Variants in ZCWPW2 observed in about 807,000 individuals in gnomAD.
ZCWPW2 encodes the protein zinc finger CW-type PWWP domain protein 2.
Under a neutral mutation model 46.6 loss-of-function variants are expected in ZCWPW2, and 45 were observed. The observed-to-expected ratio is 0.96, with a 90% CI of 0.76 to 1.24. The LOEUF is 1.24. ZCWPW2 is among the 50% of genes most tolerant of loss of function. The pLI is 0.00. For missense variants in ZCWPW2, 429 were observed against 403.9 expected, an observed-to-expected ratio of 1.06 and a Z score of -0.53; for synonymous variants, 152 against 137.1, an observed-to-expected ratio of 1.11 and a Z score of -0.76.
At chr3:28,492,505 C>G (rs866630656) in intron 6 of ZCWPW2, among the ~76,000 whole-genome samples, 1 of 151,924 alleles carries the variant, frequency 6.6e-6, no homozygotes, top group Admixed American at 6.6e-5. Flanking sequence ...AATGTGTATA[C>G]ACAATCTCAT....
chr3:28,470,821 T>A (rs1699014928), intron 4 of ZCWPW2, among the ~76,000 whole-genome samples: 1 of 151,620 alleles, frequency 6.6e-6, no homozygotes. Flanking sequence ...AACAAAACAA[T>A]TTTTTTTGAA....
chr3:28,387,574 CA>C (rs1219777727), intron 1 of ZCWPW2, among the ~76,000 whole-genome samples: 1 of 152,034 alleles, frequency 6.6e-6, no homozygotes, highest in African/African-American at 2.4e-5. Context: ...CCAGTTTTTT[CA>C]AATATTAACA....
intron 1 of ZCWPW2, among the ~76,000 whole-genome samples, chr3:28,376,637 C>A (rs1263074784): frequency 6.6e-6 from 1 of 152,084 alleles, no homozygotes; most frequent in South Asian, 2.1e-4. Flanking sequence ...ATTGCTTCAT[C>A]CTCAGATTTC....
rs373681941 is a variant in ZCWPW2 at position 28,503,250 on chromosome 3, A to G, written c.658-10814A>G. ...TTTTTAAGAAACAAAATCTTCCTCA[A>G]GTACCAGTTATCAAATGGTGAACAG... On this transcript the variant is annotated intron_variant, in intron 6 of 9. Transcript: ENST00000383768. 5.3e-5 allele frequency among the ~76,000 whole-genome samples: 8 copies of G among 152,288 alleles called. No homozygotes were observed. The East Asian group carries it at 9.6e-4, about 18-fold the overall frequency.
intron 2 of ZCWPW2, among the ~76,000 whole-genome samples, chr3:28,405,897 A>G (rs1017865756): frequency 6.6e-6 from 1 of 152,168 alleles, no homozygotes; most frequent in Non-Finnish European, 1.5e-5. Flanking sequence ...AGAAATATAG[A>G]CAGTAAAGAC....
At chr3:28,393,769 A>G (rs1455358954) in intron 2 of ZCWPW2, among the ~76,000 whole-genome samples, 1 of 152,084 alleles carries the variant, frequency 6.6e-6, no homozygotes, top group Non-Finnish European at 1.5e-5. Context: ...AACAAAATAG[A>G]TATAGAAGGA....
intron 4 of ZCWPW2, among the ~76,000 whole-genome samples, chr3:28,437,102 A>G (rs1000298174): frequency 3.9e-5 from 6 of 152,246 alleles, no homozygotes; most frequent in Non-Finnish European, 8.8e-5. Flanking sequence ...AACTTCAGAA[A>G]AAAGGACAAA....
intron 5 of ZCWPW2, among the ~76,000 whole-genome samples, chr3:28,481,100 C>T (rs953339561): frequency 2.2e-4 from 33 of 151,874 alleles, no homozygotes; most frequent in Non-Finnish European, 3.5e-4. Flanking sequence ...CTTCCCATTG[C>T]TTGTTTTTGT....
intron 5 of ZCWPW2, among the ~76,000 whole-genome samples, chr3:28,480,989 C>G (rs988068728): frequency 6.6e-6 from 1 of 151,426 alleles, no homozygotes; most frequent in African/African-American, 2.4e-5. Context: ...TCTCAGCCTC[C>G]CGAGTAGTTG....
intron 3 of ZCWPW2, among the ~76,000 whole-genome samples, chr3:28,420,670 C>G (rs1270726801): frequency 6.6e-6 from 1 of 151,678 alleles, no homozygotes; most frequent in Non-Finnish European, 1.5e-5. Flanking sequence ...TTTGTAAGGC[C>G]ATGCTGCTGT....
At chr3:28,439,071 GTATACACATATATA>G (rs1337430314) in intron 4 of ZCWPW2, among the ~76,000 whole-genome samples, 1 of 141,958 alleles carries the variant, frequency 7.0e-6, no homozygotes, top group African/African-American at 2.6e-5. Context: ...ATATATATGT[GTATACACATATATA>G]TACACATATA....
intron 4 of ZCWPW2, among the ~76,000 whole-genome samples, chr3:28,447,179 C>T (rs995501856): frequency 1.3e-5 from 2 of 151,920 alleles, no homozygotes; most frequent in African/African-American, 2.4e-5. Context: ...TACTCTGGTA[C>T]AAAAGACACA....
intron 4 of ZCWPW2, among the ~76,000 whole-genome samples, chr3:28,446,419 A>T (rs1205536460): frequency 6.6e-6 from 1 of 152,176 alleles, no homozygotes; most frequent in Non-Finnish European, 1.5e-5. Flanking sequence ...AATGAATCAA[A>T]GAAAAAATTG....
intron 2 of ZCWPW2, among the ~76,000 whole-genome samples, chr3:28,396,807 T>C (rs2125723530): frequency 6.6e-6 from 1 of 152,322 alleles, no homozygotes; most frequent in East Asian, 1.9e-4. Flanking sequence ...TACTATTCCA[T>C]ATGTATTTAT....
chr3:28,461,202 G>A (rs553468106), intron 4 of ZCWPW2: 1 of 158,368 alleles, frequency 6.3e-6, no homozygotes, highest in Non-Finnish European at 1.4e-5. Context: ...ATTGATATTT[G>A]AATTGATAAT....
In ZCWPW2 at chr3:28,413,285, A is replaced by C. The variant is rs1171338476; in HGVS notation, c.217A>C (p.Ile73Leu). Residue 73 changes from isoleucine (I) to leucine (L), a missense_variant, in exon 3 of 10, where the codon ATT becomes CTT. Physicochemically the swap from Ile to Leu is conservative, Grantham distance 5. Transcript: ENST00000383768. Reference protein sequence around the residue: ...NTDSRYNNCSISEEDFPEESQ... With the variant: ...NTDSRYNNCSLSEEDFPEESQ... ...TGATTCAAGATATAATAACTGCTCA[A>C]TTTCTGAAGAAGACTTCCCTGAAGA... 1.2e-6 allele frequency: 2 copies of C among 1,613,272 alleles called. No homozygotes were observed.
intron 4 of ZCWPW2, 120 bp downstream of exon 4, chr3:28,435,389 TATTTA>T (rs1338549545): frequency 2.4e-6 from 2 of 821,260 alleles, no homozygotes; most frequent in Non-Finnish European, 3.4e-6. Context: ...GTATGCTGTT[TATTTA>T]ATTCAAATAT....
At chr3:28,450,594 G>A (rs1410700665) in intron 4 of ZCWPW2, among the ~76,000 whole-genome samples, 1 of 152,154 alleles carries the variant, frequency 6.6e-6, no homozygotes, top group Non-Finnish European at 1.5e-5. Flanking sequence ...CCAAGAAAAA[G>A]TAGATGGTTC....
intron 1 of ZCWPW2, among the ~76,000 whole-genome samples, chr3:28,357,578 T>A (rs909464989): frequency 3.3e-5 from 5 of 151,866 alleles, no homozygotes; most frequent in Non-Finnish European, 5.9e-5. Context: ...GGAGAATTCG[T>A]GCTCTCTCTG....
Sources: allele counts gnomAD v4.1 joint callset (sites outside exome capture counted in the v4.1 genomes callset), GRCh38; gene constraint gnomAD v4.1.1; transcripts MANE v1.5; gene names NCBI Gene and HGNC (gene_info 2026-07-23, HGNC 2026-07-21).